Variants in POLR2B observed in about 807,000 individuals in gnomAD.
POLR2B encodes the protein DNA-directed RNA polymerase II subunit RPB2.
POLR2B carries 57 observed loss-of-function variants against 144.6 expected under a neutral mutation model. The ratio of observed to expected loss-of-function variants is 0.39; its 90% CI spans 0.32 to 0.49. POLR2B has a LOEUF of 0.49. Among genes scored for constraint, POLR2B ranks in the 20% least tolerant of loss-of-function variants. The pLI is 0.83. For synonymous variants in POLR2B, 442 were observed against 469.8 expected, an observed-to-expected ratio of 0.94 and a Z score of 0.77; for missense variants, 595 against 1,467.4, an observed-to-expected ratio of 0.41 and a Z score of 9.71.
At chr4:57,026,427 A>G (rs1227166187) in intron 23 of POLR2B, among the ~76,000 whole-genome samples, 2 of 151,978 alleles carry the variant, frequency 1.3e-5, no homozygotes, top group East Asian at 1.9e-4. Context: ...TCTCCTATAA[A>G]TTTTTCAGTG....
In POLR2B at chr4:56,991,527, G is replaced by C. The variant is rs529618269; in HGVS notation, c.243+629G>C. ...GGAACATATTGGACTTTGAGAGACA[G>C]GGAAAACTGAGAAACAAAGTGAGGT... On this transcript the variant is annotated intron_variant, in intron 3 of 24. Transcript: ENST00000314595. Among the ~76,000 whole-genome samples the C allele has an allele frequency of 1.8e-3, 280 of 152,290 alleles. 2 individuals carry two copies. Among genetic ancestry groups the C allele is most frequent in the African/African-American group, 6.2e-3 (256 of 41,558 alleles).
chr4:57,010,253 A>G, intron 10 of POLR2B, 108 bp from the exon 11 acceptor site: 1 of 956,176 alleles, frequency 1.0e-6, no homozygotes, highest in Non-Finnish European at 1.6e-6. Context: ...AGAAATGGGG[A>G]ACAGTTTGAT....
chr4:56,990,927 A>T (rs1168439069), intron 3 of POLR2B, 29 bp downstream of exon 3: 1 of 1,581,260 alleles, frequency 6.3e-7, no homozygotes, highest in Non-Finnish European at 8.6e-7. Flanking sequence ...TTACACAGGT[A>T]CAAGAAGCGT....
rs773442418 is a variant in POLR2B, at chr4:57,017,524, C to CTT, written c.2155-32_2155-31dup. The CTT allele has an allele frequency of 3.5e-4, 527 of 1,524,236 alleles. 2 individuals are homozygous for CTT. Among genetic ancestry groups the CTT allele is most frequent in the Non-Finnish European group, 2.3e-4 (256 of 1,130,224 alleles). 94.4% of individuals were successfully genotyped at this position (1,524,236 alleles called of 1,614,324 possible). A position where few individuals can be genotyped will look rare whatever the true frequency, so the allele number is the denominator to read the frequency against. Reference sequence around the variant, plus strand: ...GAGTCTTTTCCATTAGTGATAGTAACTTTTTGTTGTTTCTGCTTTTCATTT... The same window carrying CTT: ...GAGTCTTTTCCATTAGTGATAGTAACTTTTTTTGTTGTTTCTGCTTTTCATTT... On this transcript the variant is annotated intron_variant, in intron 15 of 24. Coordinates refer to ENST00000314595, the MANE Select transcript of POLR2B (RefSeq NM_000938.3). The surrounding 1 kb of genome is among the most constrained non-coding windows in gnomAD (Gnocchi z 4.8).
chr4:57,005,550 C>T (rs1210085368), intron 8 of POLR2B, 50 bp from the exon 9 acceptor site: 3 of 1,537,870 alleles, frequency 2.0e-6, no homozygotes, highest in Non-Finnish European at 2.6e-6. Flanking sequence ...AAAAAAAGTC[C>T]AAAACTAAGT....
intron 6 of POLR2B, among the ~76,000 whole-genome samples, chr4:56,997,431 A>AT (rs1245461160): frequency 6.6e-6 from 1 of 151,956 alleles, no homozygotes; most frequent in Non-Finnish European, 1.5e-5. Flanking sequence ...TAATTTTTGT[A>AT]TTTTTTGTAG....
chr4:57,014,753 C>T (rs1284643809), intron 13 of POLR2B, among the ~76,000 whole-genome samples: 2 of 140,494 alleles, frequency 1.4e-5, no homozygotes, highest in African/African-American at 5.3e-5. Flanking sequence ...ATCCATCCAC[C>T]TCGGCCTCCC....
Position 57,023,981 on chromosome 4 carries a change from C to G in POLR2B, c.2857-24C>G. The G allele has an allele frequency of 7.7e-7, 1 of 1,301,250 alleles. No homozygotes were observed. Among genetic ancestry groups the G allele is most frequent in the Non-Finnish European group, 1.1e-6 (1 of 926,762 alleles). 80.6% of individuals were successfully genotyped at this position (1,301,250 alleles called of 1,614,324 possible). On this transcript the variant is annotated intron_variant, in intron 20 of 24. Coordinates refer to ENST00000314595, the MANE Select transcript of POLR2B (RefSeq NM_000938.3). This position sits in a 1 kb window ranked among gnomAD's most constrained non-coding sequence, Gnocchi z 4.3. Reference sequence around the variant, plus strand: ...TAGTTTAGTATATGTATCTTTGAGTCCCTTTTAAAATTTTTCTTTGTAGGA... The same window carrying G: ...TAGTTTAGTATATGTATCTTTGAGTGCCTTTTAAAATTTTTCTTTGTAGGA...
chr4:57,030,466 G>A, intron 24 of POLR2B, 67 bp downstream of exon 24: 1 of 1,203,746 alleles, frequency 8.3e-7, no homozygotes, highest in Non-Finnish European at 1.2e-6. Context: ...GATTATCCAG[G>A]CAGAATTAGT....
chr4:57,001,650 T>G (rs1383655502), intron 7 of POLR2B, among the ~76,000 whole-genome samples: 2 of 152,236 alleles, frequency 1.3e-5, no homozygotes, highest in African/African-American at 4.8e-5. Flanking sequence ...AGTCATGTGA[T>G]GTCATTTTGC....
intron 7 of POLR2B, among the ~76,000 whole-genome samples, 195 bp downstream of exon 7, chr4:56,999,976 C>A (rs1401019183): frequency 6.6e-6 from 1 of 152,190 alleles, no homozygotes; most frequent in Non-Finnish European, 1.5e-5. Context: ...GTAAAATAGA[C>A]ATGAAAACCA....
intron 3 of POLR2B, among the ~76,000 whole-genome samples, chr4:56,992,443 CGA>C (rs1662179188): frequency 1.0e-5 from 1 of 95,502 alleles, no homozygotes; most frequent in African/African-American, 4.2e-5. Flanking sequence ...CCAGCCTGGG[CGA>C]GAGGTCGAGA....
intron 23 of POLR2B, among the ~76,000 whole-genome samples, chr4:57,028,044 G>A (rs1043532963): frequency 7.2e-5 from 11 of 151,916 alleles, no homozygotes; most frequent in East Asian, 3.9e-4. Flanking sequence ...TACTTTTTTC[G>A]TTTGCTTTCA....
chr4:57,012,819 C>CA (rs1362923351), intron 13 of POLR2B, among the ~76,000 whole-genome samples: 1 of 152,030 alleles, frequency 6.6e-6, no homozygotes, highest in Non-Finnish European at 1.5e-5. Context: ...TGTGTACCAC[C>CA]ATGCCCGGCT....
intron 16 of POLR2B, among the ~76,000 whole-genome samples, chr4:57,019,028 T>C (rs1467260548): frequency 3.3e-5 from 5 of 152,192 alleles, no homozygotes; most frequent in African/African-American, 7.2e-5. Context: ...AGTTTATCTT[T>C]AGTGTATTGT....
At position 57,005,459 on chromosome 4, in the gene POLR2B, TGTTTTAA is replaced by T. The variant is rs1722987146; in HGVS notation, c.1097+21_1097+27del. ...TTTCTTGGGGTATGTTAAGTTTCATTGTTTTAAGTTCTTTATCAAGATACAGTTGAGA... is the reference window on the plus strand; with the variant it reads ...TTTCTTGGGGTATGTTAAGTTTCATTGTTCTTTATCAAGATACAGTTGAGA... On this transcript the variant is annotated intron_variant, in intron 8 of 24. Transcript: ENST00000314595. 2 of 1,535,142 alleles carry T rather than the reference TGTTTTAA, an allele frequency of 1.3e-6. No individual in the cohort carries two copies. Among genetic ancestry groups the T allele is most frequent in the Middle Eastern group, 1.9e-4 (1 of 5,244 alleles).
chr4:57,024,952 A>G lies in POLR2B; in HGVS notation c.3031A>G (p.Ile1011Val). ...PFNDAVNVQK[I>V]SNLLSDYGYH... ...TAATGATGCTGTTAACGTGCAGAAG[A>G]TTTCTAATCTTTTATCTGATTATGG... Residue 1011 changes from isoleucine (I) to valine (V), a missense_variant, in exon 22 of 25, where the codon ATT (isoleucine) becomes GTT (valine). Ile to Val is a conservative substitution (Grantham distance 29). Around this residue, in one of 9 missense-constraint regions of POLR2B, gnomAD observed 65 missense variants for 282.8 expected, o/e 0.23. Coordinates refer to ENST00000314595, the MANE Select transcript of POLR2B (RefSeq NM_000938.3). The G allele has an allele frequency of 6.2e-7, 1 of 1,600,846 alleles. No homozygotes were observed. The highest frequency in any genetic ancestry group is 8.5e-7 in the Non-Finnish European group (1 of 1,170,288).
At position 57,005,597 on chromosome 4, in the gene POLR2B, AAGATAC is replaced by A; in HGVS notation, c.1098-1_1102del. On this transcript the variant is annotated splice_acceptor_variant and coding_sequence_variant, in exon 9 of 25. Transcript: ENST00000314595. LOFTEE classifies it high-confidence loss of function. The stretch of plus-strand genomic sequence containing the variant: ...TTCTTTCTTTCTTTTTTTTTTTTTA[AAGATAC>A]ATGGTTCATAGGTTACTTCTGGCAG... 6.7e-7 allele frequency: 1 copy of A among 1,498,696 alleles called. No homozygotes were observed. The highest frequency in any genetic ancestry group is 1.3e-5 in the South Asian group (1 of 76,310). The allele number at this position is 1,498,696 out of a possible 1,614,324, so 92.8% of individuals were successfully genotyped here. A position where few individuals can be genotyped will look rare whatever the true frequency, so the allele number is the denominator to read the frequency against.
At chr4:57,013,384 T>C (rs1263957571) in intron 13 of POLR2B, among the ~76,000 whole-genome samples, 14 of 141,778 alleles carry the variant, frequency 9.9e-5, no homozygotes, top group Admixed American at 9.8e-4. Flanking sequence ...TGTCTCTCTC[T>C]GTCTCTCTAT....
Sources: gnomAD v4.1 joint callset for allele counts (sites outside exome capture counted in the v4.1 genomes callset) on GRCh38, gnomAD v4.1.1 for gene constraint, gnomAD v4.1.1 regional missense constraint, Gnocchi (gnomAD v3.1) non-coding constraint, MANE v1.5 for transcripts, NCBI Gene and HGNC (gene_info 2026-07-23, HGNC 2026-07-21) for gene names.